KLHDC1: variants seen among roughly 807,000 people sequenced by gnomAD.
The protein encoded by KLHDC1 is kelch domain containing 1.
Under a neutral mutation model 68.3 loss-of-function variants are expected in KLHDC1, and 53 were observed. The observed-to-expected ratio is 0.78, with a 90% CI of 0.62 to 0.98. The LOEUF is 0.98. KLHDC1 is among the 50% of genes least tolerant of loss of function. KLHDC1 has a pLI of 0.00. For missense variants in KLHDC1, 470 were observed against 492.3 expected, an observed-to-expected ratio of 0.95 and a Z score of 0.43; for synonymous variants, 148 against 159.0, an observed-to-expected ratio of 0.93 and a Z score of 0.52.
At chr14:49,697,760 G>T (rs1161363167) in intron 1 of KLHDC1, among the ~76,000 whole-genome samples, 1 of 152,184 alleles carries the variant, frequency 6.6e-6, no homozygotes, top group African/African-American at 2.4e-5. Flanking sequence ...ACTTTTGAGT[G>T]CTTACTACAT....
At chr14:49,694,071 A>T (rs968953600) in intron 1 of KLHDC1, among the ~76,000 whole-genome samples, 3 of 151,884 alleles carry the variant, frequency 2.0e-5, no homozygotes, top group Non-Finnish European at 4.4e-5. Context: ...AATATTTCTA[A>T]GCTATTTTTA....
chr14:49,723,082 T>A (rs1381299729), intron 4 of KLHDC1, among the ~76,000 whole-genome samples: 7 of 78,274 alleles, frequency 8.9e-5, no homozygotes, highest in Non-Finnish European at 1.6e-4. Context: ...AGTGAGACTC[T>A]GTCTCAAAAA....
intron 4 of KLHDC1, among the ~76,000 whole-genome samples, chr14:49,713,823 TATATATATATATATATATATATATATA>T (rs1310044048): frequency 4.8e-3 from 18 of 3,768 alleles, no homozygotes; most frequent in African/African-American, 6.9e-3. Context: ...TATATATATA[TATATATATATATATATATATATATATA>T]TTTTTTTTTT....
At position 49,709,789 on chromosome 14, in the gene KLHDC1, T is replaced by C. The variant is rs763422694; in HGVS notation, c.248T>C (p.Ile83Thr). The change falls in exon 3 of 13, where the codon ATT (isoleucine) becomes ACT (threonine). Residue 83 changes from isoleucine to threonine, a missense_variant. Ile to Thr is a moderately conservative substitution (Grantham distance 89). Transcript: ENST00000359332. ...GCTTGCATTAATGGAAAGCTGTACA[T>C]TTTTGGAGGATATGATGACAAAGGA... ...CGACINGKLY[I>T]FGGYDDKGYS... The C allele has an allele frequency of 2.5e-6, 4 of 1,601,998 alleles. No individual in the cohort carries two copies. The South Asian group carries it at 4.5e-5, about 18-fold the overall frequency.
At chr14:49,737,213 G>A (rs1016181206) in intron 10 of KLHDC1, among the ~76,000 whole-genome samples, 8 of 152,022 alleles carry the variant, frequency 5.3e-5, no homozygotes, top group East Asian at 1.9e-4. Context: ...ACCCCACCAC[G>A]TAATCTGGGT....
In KLHDC1 at chr14:49,725,745, G is replaced by C; in HGVS notation, c.543G>C (p.Gln181His). 3 of 1,568,632 alleles carry C rather than the reference G, an allele frequency of 1.9e-6. No homozygotes were observed. The highest frequency in any genetic ancestry group is 2.6e-6 in the Non-Finnish European group (3 of 1,151,716). The change falls in exon 6 of 13, where the codon CAG (glutamine) becomes CAC (histidine). Residue 181 changes from glutamine (Q) to histidine (H), a missense_variant. Physicochemically the swap from Gln to His is conservative, Grantham distance 24. Coordinates refer to ENST00000359332, the MANE Select transcript of KLHDC1 (RefSeq NM_172193.3). ...NDVHIFDTKT[Q>H]TWFQPEIKGG... ...TCCACATATTTGACACAAAGACACA[G>C]ACTTGGTTTCAACCAGAAATTAAAG...
intron 12 of KLHDC1, among the ~76,000 whole-genome samples, chr14:49,745,843 C>A (rs1438031763): frequency 6.6e-6 from 1 of 152,138 alleles, no homozygotes; most frequent in Non-Finnish European, 1.5e-5. Flanking sequence ...CTCTCTTTTA[C>A]AGTATCTGGT....
At chr14:49,713,562 A>C (rs1888264494) in intron 4 of KLHDC1, among the ~76,000 whole-genome samples, 1 of 151,772 alleles carries the variant, frequency 6.6e-6, no homozygotes, top group Non-Finnish European at 1.5e-5. Flanking sequence ...GTAAGGTTTT[A>C]AATTACCATT....
chr14:49,693,403 GGCGCCT>G (rs1020985810), intron 1 of KLHDC1, 113 bp downstream of exon 1: 11 of 656,834 alleles, frequency 1.7e-5, no homozygotes, highest in Non-Finnish European at 2.2e-5. Flanking sequence ...TGGCGCGCCC[GGCGCCT>G]GCAGCCCCCC....
intron 1 of KLHDC1, among the ~76,000 whole-genome samples, chr14:49,706,001 A>G (rs947958431): frequency 2.6e-5 from 4 of 152,160 alleles, no homozygotes; most frequent in Non-Finnish European, 5.9e-5. Flanking sequence ...AGACAATCCA[A>G]TTATATTCTT....
intron 1 of KLHDC1, among the ~76,000 whole-genome samples, chr14:49,699,645 C>CAT (rs1418067430): frequency 6.6e-6 from 1 of 152,116 alleles, no homozygotes; most frequent in African/African-American, 2.4e-5. Context: ...AATGGACAAA[C>CAT]ATATGTTCTA....
At chr14:49,703,429 G>A (rs530435269) in intron 1 of KLHDC1, among the ~76,000 whole-genome samples, 67 of 150,986 alleles carry the variant, frequency 4.4e-4, no homozygotes, top group African/African-American at 1.6e-3. Flanking sequence ...TGCAACCTCC[G>A]CCTCCTGGGT....
rs117649729 is a variant in KLHDC1, at chr14:49,739,759, A to G, written c.897-339A>G. Among the ~76,000 whole-genome samples the G allele has an allele frequency of 5.3e-4, 81 of 152,330 alleles. 1 individual carries two copies. The East Asian group carries it at 0.013, about 25-fold the overall frequency. ...TGAAGGATATAGTAGAGTTATTAAG[A>G]GTCGTCTCTGGCTGCGTGTGGTGGC... is the stretch of plus-strand genomic sequence containing the variant. On this transcript the variant is annotated intron_variant, in intron 10 of 12. Coordinates refer to ENST00000359332, the MANE Select transcript of KLHDC1 (RefSeq NM_172193.3).
intron 2 of KLHDC1, 57 bp downstream of exon 2, chr14:49,709,286 G>A (rs984051138): frequency 2.7e-6 from 2 of 751,622 alleles, no homozygotes; most frequent in African/African-American, 3.6e-5. Context: ...AAATGTTTCT[G>A]TAGACTCTAG....
At chr14:49,718,522 C>T (rs1007981008) in intron 4 of KLHDC1, among the ~76,000 whole-genome samples, 3 of 152,114 alleles carry the variant, frequency 2.0e-5, no homozygotes, top group Non-Finnish European at 4.4e-5. Flanking sequence ...CTCAGGCAAT[C>T]TGCCTACCTC....
intron 1 of KLHDC1, among the ~76,000 whole-genome samples, chr14:49,700,795 A>C (rs1362954475): frequency 6.6e-6 from 1 of 152,074 alleles, no homozygotes; most frequent in African/African-American, 2.4e-5. Context: ...GGAATTATGG[A>C]AACAGCCGGG....
At chr14:49,727,441 C>T (rs1320690439) in intron 6 of KLHDC1, among the ~76,000 whole-genome samples, 2 of 151,968 alleles carry the variant, frequency 1.3e-5, no homozygotes, top group African/African-American at 2.4e-5. Flanking sequence ...CTAAGCAGGT[C>T]GTATATGCAC....
intron 1 of KLHDC1, chr14:49,708,812 A>G (rs78865698): frequency 6.4e-6 from 1 of 155,140 alleles, no homozygotes; most frequent in Non-Finnish European, 1.4e-5. Flanking sequence ...TTTTTTGATG[A>G]TCTTTTTCTT....
intron 1 of KLHDC1, chr14:49,708,736 T>A (rs1888122783): frequency 1.3e-5 from 2 of 153,870 alleles, no homozygotes; most frequent in African/African-American, 4.8e-5. Context: ...GATATTTAAT[T>A]GTATCTTTAA....
Sources: allele counts gnomAD v4.1 joint callset (sites outside exome capture counted in the v4.1 genomes callset), GRCh38; gene constraint gnomAD v4.1.1; transcripts MANE v1.5; gene names NCBI Gene and HGNC (gene_info 2026-07-23, HGNC 2026-07-21).